Variants in KCNH1 observed in about 807,000 individuals in gnomAD.
KCNH1 encodes potassium voltage-gated channel subfamily H member 1.
KCNH1 carries 27 observed loss-of-function variants against 69.2 expected under a neutral mutation model. That is an observed-to-expected ratio of 0.39 (90% CI 0.29 to 0.54). The LOEUF (loss-of-function observed/expected upper bound fraction) is 0.54, where lower values mean the gene tolerates loss of function less well. Among genes scored for constraint, KCNH1 ranks in the 20% least tolerant of loss-of-function variants. The probability of loss-of-function intolerance (pLI) is 0.68; values close to 1 mark genes in which losing one functional copy is unlikely to be tolerated. For missense variants in KCNH1, 798 were observed against 1,261.6 expected (o/e 0.63, Z 5.57); for synonymous variants, 456 against 487.7 (o/e 0.93, Z 0.86).
chr1:211,008,116 C>A (rs929136527), intron 6 of KCNH1, among the ~76,000 whole-genome samples: 2 of 152,138 alleles, frequency 1.3e-5, no homozygotes, highest in African/African-American at 4.8e-5. Context: ...GTGTTCACAG[C>A]AACATTATTC....
intron 10 of KCNH1, among the ~76,000 whole-genome samples, chr1:210,772,833 C>T (rs1683778137): frequency 1.3e-5 from 2 of 152,262 alleles, no homozygotes; most frequent in South Asian, 4.1e-4. Flanking sequence ...GGTTCTTCCT[C>T]TGTACCCTGT....
intron 7 of KCNH1, among the ~76,000 whole-genome samples, chr1:210,867,104 C>G (rs1018426273): frequency 4.6e-5 from 7 of 151,596 alleles, no homozygotes; most frequent in Non-Finnish European, 1.0e-4. Flanking sequence ...CTGCCTAGGG[C>G]TAGGAAATGT....
chr1:211,029,074 T>G lies in KCNH1; in HGVS notation c.559-9818A>C, dbSNP rs988278528. On this transcript the variant is annotated intron_variant, in intron 5 of 10. Coordinates refer to ENST00000271751, the MANE Select transcript of KCNH1 (RefSeq NM_172362.3). ...GGCCAGGCATGGTGGCTCAGGCCTG[T>G]GTTCCCAGTGCTTTGAGAGGCTGAG... 4.0e-5 allele frequency among the ~76,000 whole-genome samples: 6 copies of G among 150,400 alleles called. No individual in the cohort carries two copies. In the East Asian group the frequency reaches 1.2e-3, roughly 29 times the overall value.
intron 5 of KCNH1, among the ~76,000 whole-genome samples, chr1:211,053,605 C>G (rs1408182518): frequency 6.6e-6 from 1 of 152,168 alleles, no homozygotes; most frequent in Non-Finnish European, 1.5e-5. Flanking sequence ...ATCAGAACCC[C>G]AAGTCTGTGC....
At chr1:210,741,189 C>T (rs1319045353) in intron 10 of KCNH1, among the ~76,000 whole-genome samples, 1 of 152,194 alleles carries the variant, frequency 6.6e-6, no homozygotes, top group Non-Finnish European at 1.5e-5. Context: ...GATGCCGTCA[C>T]ATGATCCATG....
intron 9 of KCNH1, among the ~76,000 whole-genome samples, chr1:210,784,946 ACG>A (rs1684065705): frequency 3.3e-5 from 5 of 152,130 alleles, no homozygotes; most frequent in African/African-American, 4.8e-5. Context: ...ATCTCTCTCC[ACG>A]CAGTTCAGCC....
chr1:210,709,764 G>GAA (rs1682020847), intron 10 of KCNH1, among the ~76,000 whole-genome samples: 2 of 149,868 alleles, frequency 1.3e-5, no homozygotes, highest in African/African-American at 4.9e-5. Flanking sequence ...GAGAGAGAGA[G>GAA]AAATGATAGC....
chr1:210,967,766 C>T (rs1215071897), intron 6 of KCNH1, among the ~76,000 whole-genome samples: 2 of 152,058 alleles, frequency 1.3e-5, no homozygotes, highest in African/African-American at 2.4e-5. Context: ...GCAATCCTTA[C>T]AACTATTTCT....
intron 5 of KCNH1, among the ~76,000 whole-genome samples, chr1:211,045,041 G>GATAT (rs71134652): frequency 0.02 from 1,644 of 81,732 alleles, 185 homozygotes; most frequent in Non-Finnish European, 0.031. Flanking sequence ...AATTGTGGGG[G>GATAT]ATATATATAT....
chr1:211,116,013 A>G (rs1256343997), intron 1 of KCNH1, among the ~76,000 whole-genome samples: 1 of 151,988 alleles, frequency 6.6e-6, no homozygotes, highest in Non-Finnish European at 1.5e-5. Flanking sequence ...GCATGTGCCC[A>G]TAGTCCCAGA....
intron 10 of KCNH1, among the ~76,000 whole-genome samples, chr1:210,698,267 C>T (rs1681688577): frequency 6.6e-6 from 1 of 152,132 alleles, no homozygotes; most frequent in South Asian, 2.1e-4. Flanking sequence ...GGAGCATAAA[C>T]ACTGCAGACT....
intron 10 of KCNH1, among the ~76,000 whole-genome samples, chr1:210,745,352 AT>A (rs1683126489): frequency 6.6e-6 from 1 of 152,016 alleles, no homozygotes; most frequent in African/African-American, 2.4e-5. Flanking sequence ...CATCCCCTGG[AT>A]TTTTCTAGGG....
At chr1:210,963,942 C>T (rs1688346398) in intron 6 of KCNH1, among the ~76,000 whole-genome samples, 1 of 152,064 alleles carries the variant, frequency 6.6e-6, no homozygotes, top group African/African-American at 2.4e-5. Context: ...ATGTAGAGAA[C>T]ACCACAAAGA....
intron 6 of KCNH1, among the ~76,000 whole-genome samples, chr1:210,995,233 A>T (rs933286118): frequency 1.3e-5 from 2 of 152,204 alleles, no homozygotes; most frequent in Admixed American, 1.3e-4. Flanking sequence ...CAAGAGGCTT[A>T]TATTTTTCTG....
intron 7 of KCNH1, among the ~76,000 whole-genome samples, chr1:210,827,750 T>C (rs1685063701): frequency 6.6e-6 from 1 of 152,282 alleles, no homozygotes; most frequent in African/African-American, 2.4e-5. Flanking sequence ...GGTCAGAGGG[T>C]TCTGATTCAC....
At chr1:211,103,659 A>G (rs2102483479) in intron 2 of KCNH1, 57 bp from the exon 3 acceptor site, 1 of 1,083,032 alleles carries the variant, frequency 9.2e-7, no homozygotes, top group East Asian at 2.4e-5. Context: ...TTCTACAAGC[A>G]TATGTTAAAT....
chr1:211,110,116 A>G (rs1691431738), intron 1 of KCNH1, among the ~76,000 whole-genome samples: 1 of 152,144 alleles, frequency 6.6e-6, no homozygotes. Flanking sequence ...AAAAGGCCAG[A>G]GGACATTCTC....
At chr1:210,837,451 A>T (rs2102448516) in intron 7 of KCNH1, among the ~76,000 whole-genome samples, 2 of 152,342 alleles carry the variant, frequency 1.3e-5, no homozygotes, top group South Asian at 4.1e-4. Context: ...TACCTGGCAC[A>T]TAATAGGGAC....
At chr1:210,734,687 C>T (rs765579018) in intron 10 of KCNH1, among the ~76,000 whole-genome samples, 15 of 151,938 alleles carry the variant, frequency 9.9e-5, no homozygotes, top group Admixed American at 2.0e-4. Flanking sequence ...GAAGATGCCA[C>T]CCCCCTTGGC....
Sources: gnomAD v4.1 joint callset for allele counts (sites outside exome capture counted in the v4.1 genomes callset) on GRCh38, gnomAD v4.1.1 for gene constraint, MANE v1.5 for transcripts, NCBI Gene and HGNC (gene_info 2026-07-23, HGNC 2026-07-21) for gene names.